Variants in CTNNA3 observed in about 807,000 individuals in gnomAD.
The protein encoded by CTNNA3 is catenin alpha 3, also known as catenin alpha-3.
Under a neutral mutation model 95.7 loss-of-function variants are expected in CTNNA3, and 76 were observed. That is an observed-to-expected ratio of 0.79 (90% CI 0.66 to 0.96). The LOEUF is 0.96. Among genes scored for constraint, CTNNA3 ranks in the 40% least tolerant of loss-of-function variants. The pLI is 0.00. For missense variants in CTNNA3, 1,191 were observed against 1,089.8 expected (o/e 1.09, Z -1.31); for synonymous variants, 431 against 374.4 (o/e 1.15, Z -1.74).
chr10:67,000,776 T>C (rs946033973), intron 7 of CTNNA3, among the ~76,000 whole-genome samples: 2 of 152,086 alleles, frequency 1.3e-5, no homozygotes, highest in African/African-American at 2.4e-5. Context: ...TAAAATTCTA[T>C]GGGGAGCGCA....
intron 13 of CTNNA3, among the ~76,000 whole-genome samples, chr10:66,185,151 T>A (rs577549687): frequency 6.6e-6 from 1 of 152,156 alleles, no homozygotes; most frequent in Non-Finnish European, 1.5e-5. Context: ...GATTACTAAG[T>A]TAGAAACAAT....
At chr10:66,315,721 T>C (rs1263859348) in intron 12 of CTNNA3, among the ~76,000 whole-genome samples, 1 of 152,066 alleles carries the variant, frequency 6.6e-6, no homozygotes, top group African/African-American at 2.4e-5. Flanking sequence ...TTAAATGAGA[T>C]TCTGACCTAA....
intron 7 of CTNNA3, among the ~76,000 whole-genome samples, chr10:67,082,524 G>GT (rs1464270596): frequency 6.6e-6 from 1 of 152,124 alleles, no homozygotes; most frequent in Non-Finnish European, 1.5e-5. Context: ...ATTTACTATA[G>GT]TAAGAAGTTG....
intron 16 of CTNNA3, among the ~76,000 whole-genome samples, chr10:65,969,431 A>T (rs893986525): frequency 1.3e-5 from 2 of 152,176 alleles, no homozygotes; most frequent in Non-Finnish European, 2.9e-5. Context: ...TCCCCAGCAA[A>T]GTGGAAACTT....
chr10:66,018,523 C>CT (rs1299689484), intron 15 of CTNNA3, among the ~76,000 whole-genome samples: 1 of 151,976 alleles, frequency 6.6e-6, no homozygotes, highest in African/African-American at 2.4e-5. Context: ...ACCAGTCATT[C>CT]TTTATAAGCA....
intron 1 of CTNNA3, among the ~76,000 whole-genome samples, chr10:67,663,508 T>G (rs1429192052): frequency 6.6e-6 from 1 of 152,082 alleles, no homozygotes; most frequent in Non-Finnish European, 1.5e-5. Flanking sequence ...TCCTCTTCCC[T>G]GTGCTCCTCT....
At chr10:67,705,551 TCTCA>T (rs1375911869) in intron 1 of CTNNA3, among the ~76,000 whole-genome samples, 1 of 146,192 alleles carries the variant, frequency 6.8e-6, no homozygotes, top group Non-Finnish European at 1.5e-5. Context: ...CACCGCATAT[TCTCA>T]CTCATAGGTG....
Position 67,089,978 on chromosome 10 carries a change from T to C in CTNNA3, c.1047+90339A>G, listed in dbSNP as rs540594699. 5.9e-5 allele frequency among the ~76,000 whole-genome samples: 9 copies of C among 152,208 alleles called. No individual in the cohort carries two copies. The South Asian group carries it at 1.4e-3, about 25-fold the overall frequency. On this transcript the variant is annotated intron_variant, in intron 7 of 17. Transcript: ENST00000433211. The stretch of plus-strand genomic sequence containing the variant: ...AAAATTCAAGACAAGTATAGTCTCA[T>C]ATGAAACAAAATAATCAAACTACAG...
intron 7 of CTNNA3, among the ~76,000 whole-genome samples, chr10:67,008,969 A>G (rs1392168592): frequency 6.6e-6 from 1 of 152,118 alleles, no homozygotes; most frequent in African/African-American, 2.4e-5. Flanking sequence ...TGGGTATAAA[A>G]CCTTGGTATA....
chr10:66,574,400 C>T (rs1434559905), intron 10 of CTNNA3, among the ~76,000 whole-genome samples: 1 of 151,472 alleles, frequency 6.6e-6, no homozygotes, highest in African/African-American at 2.4e-5. Context: ...AATAAAAGCT[C>T]ACTGAAATAT....
chr10:67,335,601 T>C (rs983263369), intron 5 of CTNNA3, among the ~76,000 whole-genome samples: 1 of 152,232 alleles, frequency 6.6e-6, no homozygotes, highest in African/African-American at 2.4e-5. Flanking sequence ...TTTTTATTAA[T>C]CTTTCTTGAA....
At chr10:67,705,646 G>A (rs1457276594) in intron 1 of CTNNA3, among the ~76,000 whole-genome samples, 1 of 106,698 alleles carries the variant, frequency 9.4e-6, no homozygotes, top group Non-Finnish European at 1.8e-5. Context: ...GGGGAGGGGG[G>A]AGGGATAGCT....
chr10:67,548,222 T>A (rs1032039731), intron 3 of CTNNA3, among the ~76,000 whole-genome samples: 1 of 152,188 alleles, frequency 6.6e-6, no homozygotes, highest in African/African-American at 2.4e-5. Flanking sequence ...CATGTGACAA[T>A]GCTAGCTCCC....
At chr10:67,686,606 T>C (rs190823506) in intron 1 of CTNNA3, among the ~76,000 whole-genome samples, 1 of 152,230 alleles carries the variant, frequency 6.6e-6, no homozygotes, top group East Asian at 1.9e-4. Flanking sequence ...TTGTGAGTAG[T>C]CCAGACAGTG....
At chr10:66,914,288 G>A (rs940365130) in intron 7 of CTNNA3, among the ~76,000 whole-genome samples, 2 of 151,808 alleles carry the variant, frequency 1.3e-5, no homozygotes, top group Admixed American at 6.6e-5. Flanking sequence ...CTGCTACCAC[G>A]GCCGGAGAAT....
intron 7 of CTNNA3, among the ~76,000 whole-genome samples, chr10:66,816,471 G>A (rs1842091930): frequency 6.6e-6 from 1 of 152,006 alleles, no homozygotes. Context: ...CCAATAGAAT[G>A]AAAGTAAAAG....
At chr10:66,452,406 C>T (rs2093470283) in intron 11 of CTNNA3, among the ~76,000 whole-genome samples, 2 of 152,182 alleles carry the variant, frequency 1.3e-5, no homozygotes, top group African/African-American at 2.4e-5. Flanking sequence ...AAAATTATGA[C>T]AGTGAAATAA....
chr10:66,590,708 T>C (rs1380679029), intron 10 of CTNNA3, among the ~76,000 whole-genome samples: 1 of 152,064 alleles, frequency 6.6e-6, no homozygotes, highest in African/African-American at 2.4e-5. Context: ...ATAGTTATAG[T>C]TTGCCTTATT....
At chr10:65,996,972 G>A (rs935065556) in intron 15 of CTNNA3, among the ~76,000 whole-genome samples, 2 of 152,064 alleles carry the variant, frequency 1.3e-5, no homozygotes, top group African/African-American at 2.4e-5. Flanking sequence ...TTGGAGTCCT[G>A]TTCCAATCTT....
Sources: gnomAD v4.1 joint callset for allele counts (sites outside exome capture counted in the v4.1 genomes callset) on GRCh38, gnomAD v4.1.1 for gene constraint, MANE v1.5 for transcripts, NCBI Gene and HGNC (gene_info 2026-07-23, HGNC 2026-07-21) for gene names.